XYLT1: variants seen among roughly 807,000 people sequenced by gnomAD.
The protein encoded by XYLT1 is xylosyltransferase 1, also known as beta-D-xylosyltransferase 1.
In XYLT1, 36 loss-of-function variants were observed where a neutral mutation model predicts 91.3. The observed-to-expected ratio is 0.39, with a 90% CI of 0.30 to 0.52. The LOEUF is 0.52. XYLT1 is among the 20% of genes least tolerant of loss of function. XYLT1 has a pLI of 0.68. For synonymous variants in XYLT1, 588 were observed against 532.0 expected (o/e 1.11, Z -1.45); for missense variants, 1,242 against 1,284.5 (o/e 0.97, Z 0.51).
chr16:17,183,900 C>T (rs1456700920), intron 5 of XYLT1, among the ~76,000 whole-genome samples: 2 of 152,128 alleles, frequency 1.3e-5, no homozygotes, highest in South Asian at 2.1e-4. Context: ...ATCCTATACT[C>T]AGTCAAATCT....
intron 1 of XYLT1, among the ~76,000 whole-genome samples, chr16:17,425,700 C>A (rs2036309097): frequency 6.6e-6 from 1 of 152,212 alleles, no homozygotes; most frequent in East Asian, 1.9e-4. Flanking sequence ...ATTTATTCCA[C>A]CCTGAATGGT....
At chr16:17,422,595 C>T (rs1029544381) in intron 1 of XYLT1, among the ~76,000 whole-genome samples, 40 of 152,032 alleles carry the variant, frequency 2.6e-4, no homozygotes, top group African/African-American at 9.2e-4. Flanking sequence ...CTGCAGCCTC[C>T]GCCTCCTGGG....
intron 1 of XYLT1, among the ~76,000 whole-genome samples, chr16:17,447,329 G>A (rs905763366): frequency 1.3e-5 from 2 of 152,198 alleles, no homozygotes; most frequent in African/African-American, 4.8e-5. Flanking sequence ...CCCAGCCCAC[G>A]TGATACATTT....
intron 1 of XYLT1, among the ~76,000 whole-genome samples, chr16:17,447,382 G>A (rs1354029258): frequency 6.6e-6 from 1 of 152,196 alleles, no homozygotes; most frequent in Admixed American, 6.5e-5. Context: ...AATCCAACTG[G>A]AAAACAGGAC....
intron 1 of XYLT1, among the ~76,000 whole-genome samples, chr16:17,424,205 T>C (rs768567077): frequency 6.6e-6 from 1 of 152,236 alleles, no homozygotes; most frequent in Non-Finnish European, 1.5e-5. Context: ...ATCCAGACTC[T>C]GCCACTTCTT....
intron 1 of XYLT1, among the ~76,000 whole-genome samples, chr16:17,434,472 A>T (rs1044287614): frequency 4.6e-5 from 7 of 152,228 alleles, no homozygotes; most frequent in African/African-American, 1.7e-4. Context: ...AAACAAAACA[A>T]TTATTAAGAA....
At chr16:17,434,636 C>A (rs2036431374) in intron 1 of XYLT1, among the ~76,000 whole-genome samples, 1 of 152,160 alleles carries the variant, frequency 6.6e-6, no homozygotes. Context: ...GCAGAAGGAT[C>A]ACTTGAGGCC....
chr16:17,391,534 T>G (rs2035818794), intron 1 of XYLT1, among the ~76,000 whole-genome samples: 1 of 152,226 alleles, frequency 6.6e-6, no homozygotes, highest in South Asian at 2.1e-4. Context: ...CAGCCCTATC[T>G]GGACAGTGAG....
At chr16:17,260,999 C>T (rs773168846) in intron 2 of XYLT1, among the ~76,000 whole-genome samples, 8 of 151,932 alleles carry the variant, frequency 5.3e-5, no homozygotes, top group Non-Finnish European at 7.4e-5. Context: ...TTTGGGAGGC[C>T]GAGGCAGGTG....
intron 3 of XYLT1, among the ~76,000 whole-genome samples, chr16:17,253,246 C>T (rs1246111890): frequency 6.6e-6 from 1 of 152,170 alleles, no homozygotes; most frequent in Non-Finnish European, 1.5e-5. Flanking sequence ...AGTCTATTCA[C>T]AGTAAATTTA....
At chr16:17,460,771 C>T (rs1471021214) in intron 1 of XYLT1, among the ~76,000 whole-genome samples, 1 of 152,206 alleles carries the variant, frequency 6.6e-6, no homozygotes, top group Non-Finnish European at 1.5e-5. Flanking sequence ...TACGCTGTCT[C>T]ACGGCATATC....
intron 3 of XYLT1, among the ~76,000 whole-genome samples, chr16:17,209,341 CT>C (rs781423876): frequency 1.2e-4 from 18 of 152,306 alleles, no homozygotes; most frequent in Admixed American, 3.3e-4. Context: ...AATTTCATTC[CT>C]TTTTCAGGGC....
chr16:17,199,001 C>T (rs980810862), intron 4 of XYLT1, among the ~76,000 whole-genome samples: 3 of 152,308 alleles, frequency 2.0e-5, no homozygotes, highest in East Asian at 3.9e-4. Context: ...ACCTTGGTCT[C>T]CCAAAGTGCT....
chr16:17,166,653 AG>A (rs1488948733), intron 5 of XYLT1, among the ~76,000 whole-genome samples: 1 of 151,188 alleles, frequency 6.6e-6, no homozygotes, highest in Non-Finnish European at 1.5e-5. Context: ...CTGGAATTAT[AG>A]GCGTGCACCA....
At chr16:17,259,952 A>G (rs2033698054) in intron 2 of XYLT1, among the ~76,000 whole-genome samples, 3 of 152,176 alleles carry the variant, frequency 2.0e-5, no homozygotes, top group Admixed American at 1.3e-4. Flanking sequence ...CATTGCCTTT[A>G]GGACATGCTC....
chr16:17,322,044 C>A (rs2034732067), intron 2 of XYLT1, among the ~76,000 whole-genome samples: 1 of 152,174 alleles, frequency 6.6e-6, no homozygotes, highest in African/African-American at 2.4e-5. Context: ...ACAATAGCCA[C>A]TACTTTCTGA....
intron 5 of XYLT1, among the ~76,000 whole-genome samples, chr16:17,176,040 C>CAAAAA (rs10635873): frequency 2.0e-5 from 3 of 148,906 alleles, no homozygotes; most frequent in African/African-American, 7.4e-5. Flanking sequence ...ATGGGGAATG[C>CAAAAA]AAAAAAAAAA....
chr16:17,241,771 T>A (rs1254332682), intron 3 of XYLT1, among the ~76,000 whole-genome samples: 3 of 152,170 alleles, frequency 2.0e-5, no homozygotes, highest in Non-Finnish European at 4.4e-5. Flanking sequence ...AACTAGCCTA[T>A]CTTCTGGAAC....
chr16:17,146,617 A>C (rs958006580), intron 6 of XYLT1, among the ~76,000 whole-genome samples: 2 of 151,370 alleles, frequency 1.3e-5, no homozygotes, highest in Non-Finnish European at 2.9e-5. Context: ...AAAATAAAAA[A>C]GCATTTCTGG....
Sources: gnomAD v4.1 joint callset for allele counts (sites outside exome capture counted in the v4.1 genomes callset) on GRCh38, gnomAD v4.1.1 for gene constraint, MANE v1.5 for transcripts, NCBI Gene and HGNC (gene_info 2026-07-23, HGNC 2026-07-21) for gene names.